Variants in ARHGEF10 observed in about 807,000 individuals in gnomAD.
ARHGEF10 encodes the protein Rho guanine nucleotide exchange factor 10.
A neutral mutation model predicts 147.4 loss-of-function variants in ARHGEF10; 140 were observed. The ratio of observed to expected loss-of-function variants is 0.95; its 90% CI spans 0.83 to 1.09. The LOEUF (loss-of-function observed/expected upper bound fraction) is 1.09. ARHGEF10 is among the 50% of genes least tolerant of loss of function. The pLI, the probability that ARHGEF10 is intolerant of heterozygous loss-of-function variation, is 0.00. For synonymous variants in ARHGEF10, 902 were observed against 695.8 expected (o/e 1.30, Z -4.67); for missense variants, 2,222 against 1,752.7 (o/e 1.27, Z -4.78).
chr8:1,957,203 C>A lies in ARHGEF10; in HGVS notation c.3975C>A (p.Pro1325=). The A allele has an allele frequency of 6.2e-7, 1 of 1,612,334 alleles. No homozygotes were observed. Among genetic ancestry groups the A allele is most frequent in the African/African-American group, 1.3e-5 (1 of 75,048 alleles). Residue 1325 remains proline, a synonymous_variant, in exon 29 of 29, where the codon CCC becomes CCA. Transcript: ENST00000349830. ...GGGTGCACAGGAAGGCCCGGCAGCC[C>A]CACCAGGAAGAGCTGGCGCCGACCG... ...HRRVHRKARQ[P]HQEELAPTVM... is the part of the protein sequence containing the mutation.
At chr8:1,898,412 C>G in intron 14 of ARHGEF10, 21 bp from the exon 15 acceptor site, 1 of 1,611,904 alleles carries the variant, frequency 6.2e-7, no homozygotes, top group Non-Finnish European at 8.5e-7. Flanking sequence ...AGGGAGGTGA[C>G]CCCGGTGCCT....
chr8:1,881,852 A>G (rs1808225803), intron 9 of ARHGEF10, among the ~76,000 whole-genome samples: 1 of 152,206 alleles, frequency 6.6e-6, no homozygotes, highest in Admixed American at 6.5e-5. Context: ...GGATGGGGAC[A>G]TCGGTTGTCC....
Position 1,957,034 on chromosome 8 carries a change from C to T in ARHGEF10, c.3806C>T (p.Ser1269Phe). Reference protein sequence around the residue: ...SSGSLSLSHGSSSLEHRSEDS... With the variant: ...SSGSLSLSHGFSSLEHRSEDS... ...GGGTCCCTGAGCTTGTCTCACGGCT[C>T]CAGCTCTCTAGAGCACAGATCAGAG... The change falls in exon 29 of 29, where the codon TCC becomes TTC. Residue 1269 changes from serine (S) to phenylalanine (F), a missense_variant. Transcript: ENST00000349830. 6.2e-7 allele frequency: 1 copy of T among 1,613,968 alleles called. No individual in the cohort carries two copies. The highest frequency in any genetic ancestry group is 8.5e-7 in the Non-Finnish European group (1 of 1,180,036).
chr8:1,859,819 C>T (rs755593536), intron 3 of ARHGEF10, 78 bp from the exon 4 acceptor site: 113 of 1,569,338 alleles, frequency 7.2e-5, no homozygotes, highest in Non-Finnish European at 9.8e-5. Flanking sequence ...ATACCTGCTT[C>T]CCACTTGCGC....
chr8:1,878,997 T>A (rs1414213368), intron 8 of ARHGEF10, among the ~76,000 whole-genome samples: 2 of 152,208 alleles, frequency 1.3e-5, no homozygotes, highest in Non-Finnish European at 2.9e-5. Context: ...CGCCCGTGTG[T>A]TAGGCCTGTC....
intron 2 of ARHGEF10, among the ~76,000 whole-genome samples, chr8:1,847,066 A>C (rs966519544): frequency 6.6e-6 from 1 of 152,114 alleles, no homozygotes; most frequent in African/African-American, 2.4e-5. Context: ...CACCTTTACC[A>C]GGTCCCTGTG....
At position 1,866,545 on chromosome 8, in the gene ARHGEF10, G is replaced by A. The variant is rs1563200523; in HGVS notation, c.565G>A (p.Glu189Lys). 6.2e-7 allele frequency: 1 copy of A among 1,610,704 alleles called. No homozygotes were observed. Among genetic ancestry groups the A allele is most frequent in the Admixed American group, 1.7e-5 (1 of 60,008 alleles). Residue 189 changes from glutamate to lysine, a missense_variant, in exon 6 of 29, where the codon GAG (glutamate) becomes AAG (lysine). Glu to Lys is a moderately conservative substitution (Grantham distance 56, BLOSUM62 1). Transcript: ENST00000349830. ...PPTSEDQVGR[E>K]DSALARWAAD... Reference sequence around the variant, plus strand: ...TTTAAGTGAAGATCAAGTCGGTCGAGAGGACAGCGCACTTGCCCGCTGGGC... The same window carrying A: ...TTTAAGTGAAGATCAAGTCGGTCGAAAGGACAGCGCACTTGCCCGCTGGGC...
intron 3 of ARHGEF10, among the ~76,000 whole-genome samples, chr8:1,858,539 A>G (rs548464029): frequency 6.6e-6 from 1 of 152,234 alleles, no homozygotes; most frequent in Admixed American, 6.5e-5. Context: ...ATTTCCCAAT[A>G]AGAATGACCT....
intron 2 of ARHGEF10, among the ~76,000 whole-genome samples, chr8:1,857,584 T>C (rs1805646859): frequency 6.6e-6 from 1 of 152,024 alleles, no homozygotes; most frequent in South Asian, 2.1e-4. Context: ...CACGCCTGGC[T>C]AATTTTTTTA....
At position 1,833,426 on chromosome 8, in the gene ARHGEF10, ACAGAGACAGAGG is replaced by A. The variant is rs1389208723; in HGVS notation, c.-48+9317_-48+9328del. On this transcript the variant is annotated intron_variant, in intron 1 of 28. Transcript: ENST00000349830. The stretch of plus-strand genomic sequence containing the variant: ...GACAGAGACAGAGGCAGAGACAGAG[ACAGAGACAGAGG>A]CAGGGGCAGAGACAGGGGCAGAGGC... 5.9e-5 allele frequency among the ~76,000 whole-genome samples: 9 copies of A among 151,402 alleles called. No homozygotes were observed. The South Asian group carries it at 1.7e-3, about 28-fold the overall frequency.
intron 1 of ARHGEF10, among the ~76,000 whole-genome samples, chr8:1,840,082 T>G (rs1468011214): frequency 7.6e-6 from 1 of 131,426 alleles, no homozygotes; most frequent in African/African-American, 3.1e-5. Flanking sequence ...AGCTGTCTGG[T>G]GTGGGGACTG....
At chr8:1,917,636 A>C (rs1476341768) in intron 18 of ARHGEF10, among the ~76,000 whole-genome samples, 1 of 152,246 alleles carries the variant, frequency 6.6e-6, no homozygotes, top group Non-Finnish European at 1.5e-5. Context: ...CTTTTGCGGA[A>C]GTGCAGCAAT....
At position 1,858,103 on chromosome 8, in the gene ARHGEF10, C is replaced by A. The variant is rs754136956; in HGVS notation, c.181C>A (p.Pro61Thr). ...AGGAGGTGCTGGAGCCAGTGAAGCC[C>A]CTGCACCCACAGGTGAGTTTCCAGG... ...ETGGAGASEA[P>T]APTGGEDGAG... Residue 61 changes from proline (P) to threonine (T), a missense_variant, in exon 3 of 29, where the codon CCT becomes ACT. Pro to Thr is a conservative substitution (Grantham distance 38). Coordinates refer to ENST00000349830, the MANE Select transcript of ARHGEF10 (RefSeq NM_014629.4). 2 of 1,554,124 alleles carry A rather than the reference C, an allele frequency of 1.3e-6. No individual in the cohort carries two copies. Among genetic ancestry groups the A allele is most frequent in the East Asian group, 4.6e-5 (2 of 43,152 alleles).
At chr8:1,893,921 C>T (rs1809754631) in intron 12 of ARHGEF10, among the ~76,000 whole-genome samples, 1 of 152,020 alleles carries the variant, frequency 6.6e-6, no homozygotes, top group Non-Finnish European at 1.5e-5. Flanking sequence ...CCCCTGTAAT[C>T]CTAGCACTTT....
chr8:1,892,581 T>C (rs1247407313), intron 11 of ARHGEF10, among the ~76,000 whole-genome samples: 1 of 151,972 alleles, frequency 6.6e-6, no homozygotes. Context: ...TCCCTTCAAA[T>C]AGCATAATCC....
intron 10 of ARHGEF10, among the ~76,000 whole-genome samples, chr8:1,883,456 C>G (rs1808389872): frequency 6.6e-6 from 1 of 152,144 alleles, no homozygotes; most frequent in Non-Finnish European, 1.5e-5. Flanking sequence ...CTGTCTGGTG[C>G]TAGGACGTGG....
chr8:1,834,310 T>C (rs1050290403), intron 1 of ARHGEF10, among the ~76,000 whole-genome samples: 9 of 152,136 alleles, frequency 5.9e-5, no homozygotes, highest in Non-Finnish European at 1.2e-4. Flanking sequence ...CTTTTCACTG[T>C]TTTTTCTTTT....
chr8:1,829,626 A>C (rs1465913582), intron 1 of ARHGEF10, among the ~76,000 whole-genome samples: 1 of 152,236 alleles, frequency 6.6e-6, no homozygotes, highest in Non-Finnish European at 1.5e-5. Context: ...GCATTCAGCC[A>C]GCAGAGGCAC....
Position 1,864,388 on chromosome 8 carries a change from C to G in ARHGEF10, c.497C>G (p.Thr166Arg), listed in dbSNP as rs759165342. 36 of 1,614,178 alleles carry G rather than the reference C, an allele frequency of 2.2e-5. No homozygotes were observed. The highest frequency in any genetic ancestry group is 2.9e-5 in the Non-Finnish European group (34 of 1,180,030). ...TTCCCAGCAGAAACACCAGAAGTCA[C>G]AGAAGATCGCCAGCCCAATTCTCTG... ...SLDEEETPEV[T>R]EDRQPNSLSS... The change falls in exon 5 of 29, where the codon ACA becomes AGA. Residue 166 changes from threonine (T) to arginine (R), a missense_variant. Physicochemically the swap from Thr to Arg is moderately conservative, Grantham distance 71. Transcript: ENST00000349830.
Sources: gnomAD v4.1 joint callset for allele counts (sites outside exome capture counted in the v4.1 genomes callset) on GRCh38, gnomAD v4.1.1 for gene constraint, MANE v1.5 for transcripts, NCBI Gene and HGNC (gene_info 2026-07-23, HGNC 2026-07-21) for gene names.